The following VWC2L variants were observed in gnomAD, a reference collection of about 807,000 sequenced individuals.
The protein encoded by VWC2L is von Willebrand factor C domain-containing protein 2-like.
Under a neutral mutation model 21.6 loss-of-function variants are expected in VWC2L, and 10 were observed. The observed-to-expected ratio is 0.46, with a 90% CI of 0.29 to 0.78. VWC2L has a LOEUF of 0.78. Ranked by LOEUF, VWC2L falls within the 30% of genes least tolerant of loss-of-function variation. The probability of loss-of-function intolerance (pLI) is 0.10; values close to 1 mark genes in which losing one functional copy is unlikely to be tolerated. For synonymous variants in VWC2L, 96 were observed against 94.3 expected, an observed-to-expected ratio of 1.02 and a Z score of -0.10; for missense variants, 209 against 277.1, an observed-to-expected ratio of 0.75 and a Z score of 1.74.
intron 3 of VWC2L, among the ~76,000 whole-genome samples, chr2:214,498,679 TG>T (rs1688845059): frequency 6.7e-6 from 1 of 148,404 alleles, no homozygotes; most frequent in Non-Finnish European, 1.5e-5. Flanking sequence ...TTTTTATATA[TG>T]GGTGTATATA....
At chr2:214,511,341 C>T (rs184074550) in intron 3 of VWC2L, among the ~76,000 whole-genome samples, 2 of 152,062 alleles carry the variant, frequency 1.3e-5, no homozygotes, top group East Asian at 3.9e-4. Flanking sequence ...AAATTGTGGT[C>T]CCCCCTCAAA....
At chr2:214,448,588 T>A (rs1448833096) in intron 3 of VWC2L, among the ~76,000 whole-genome samples, 1 of 152,216 alleles carries the variant, frequency 6.6e-6, no homozygotes, top group Admixed American at 6.5e-5. Context: ...CTTGAACTTT[T>A]ACTGTTTCAT....
At chr2:214,516,722 G>A (rs2105908834) in intron 3 of VWC2L, among the ~76,000 whole-genome samples, 1 of 152,040 alleles carries the variant, frequency 6.6e-6, no homozygotes, top group South Asian at 2.1e-4. Context: ...CAACCAGAGG[G>A]TCTTCTTTAC....
intron 3 of VWC2L, chr2:214,472,295 C>A (rs762884817): frequency 6.6e-6 from 1 of 152,072 alleles, no homozygotes; most frequent in South Asian, 2.1e-4. Context: ...ATAGTGAAAG[C>A]GAGTGGCTCC....
intron 2 of VWC2L, among the ~76,000 whole-genome samples, chr2:214,428,744 T>C (rs1702559294): frequency 6.8e-6 from 1 of 146,512 alleles, no homozygotes; most frequent in Non-Finnish European, 1.5e-5. Flanking sequence ...CCTGTCAAAG[T>C]ATGACATCAG....
intron 3 of VWC2L, among the ~76,000 whole-genome samples, chr2:214,536,479 A>G (rs960833288): frequency 6.6e-6 from 1 of 152,072 alleles, no homozygotes; most frequent in Admixed American, 6.6e-5. Flanking sequence ...ACCATCGGAA[A>G]TTTGGTACTT....
intron 3 of VWC2L, among the ~76,000 whole-genome samples, chr2:214,567,933 A>T (rs1159252747): frequency 6.6e-6 from 1 of 152,224 alleles, no homozygotes; most frequent in Non-Finnish European, 1.5e-5. Flanking sequence ...CATGTTATCA[A>T]CTAAGTCTGG....
At chr2:214,570,467 G>C (rs1690133865) in intron 3 of VWC2L, among the ~76,000 whole-genome samples, 1 of 152,112 alleles carries the variant, frequency 6.6e-6, no homozygotes, top group South Asian at 2.1e-4. Context: ...GGGCTCAAGA[G>C]ATCCTTCTGC....
chr2:214,550,525 C>T (rs1211252688), intron 3 of VWC2L, among the ~76,000 whole-genome samples: 1 of 152,176 alleles, frequency 6.6e-6, no homozygotes, highest in Non-Finnish European at 1.5e-5. Flanking sequence ...GCTTCCTCTT[C>T]CTTGAACCTG....
At chr2:214,413,476 A>ATAGT (rs1353582008) in intron 1 of VWC2L, among the ~76,000 whole-genome samples, 1 of 152,110 alleles carries the variant, frequency 6.6e-6, no homozygotes, top group African/African-American at 2.4e-5. Flanking sequence ...TCACTATGGA[A>ATAGT]TAGTTATGTT....
At chr2:214,575,369 T>C (rs1049737287) in intron 3 of VWC2L, among the ~76,000 whole-genome samples, 1 of 152,132 alleles carries the variant, frequency 6.6e-6, no homozygotes, top group African/African-American at 2.4e-5. Context: ...ACAAATACAG[T>C]TTAACCCACA....
At chr2:214,524,055 C>A (rs1689286955) in intron 3 of VWC2L, among the ~76,000 whole-genome samples, 1 of 151,858 alleles carries the variant, frequency 6.6e-6, no homozygotes, top group South Asian at 2.1e-4. Context: ...ATCATTATTA[C>A]AAGAGAACAA....
intron 2 of VWC2L, among the ~76,000 whole-genome samples, chr2:214,428,693 G>A (rs1418231661): frequency 6.6e-6 from 1 of 151,536 alleles, no homozygotes; most frequent in Non-Finnish European, 1.5e-5. Context: ...CAGTGATAAA[G>A]CACTTGTTAT....
chr2:214,538,299 A>G (rs1689568453), intron 3 of VWC2L, among the ~76,000 whole-genome samples: 2 of 152,074 alleles, frequency 1.3e-5, no homozygotes, highest in Non-Finnish European at 2.9e-5. Flanking sequence ...GTACATAGAC[A>G]GTCTCCTACA....
chr2:214,429,455 C>G (rs2126175583), intron 2 of VWC2L, among the ~76,000 whole-genome samples: 1 of 152,144 alleles, frequency 6.6e-6, no homozygotes. Context: ...TATGTCTGGG[C>G]CCTCCTTTGA....
intron 3 of VWC2L, among the ~76,000 whole-genome samples, chr2:214,559,809 C>T (rs1250336240): frequency 1.3e-5 from 2 of 152,094 alleles, no homozygotes. Context: ...GTATGTTGCC[C>T]AGGCTAGTCT....
At position 214,414,517 on chromosome 2, in the gene VWC2L, G is replaced by C. The variant is rs768081233; in HGVS notation, c.324G>C (p.Glu108Asp). The C allele has an allele frequency of 6.2e-7, 1 of 1,612,502 alleles. No individual in the cohort carries two copies. Among genetic ancestry groups the C allele is most frequent in the African/African-American group, 1.3e-5 (1 of 74,814 alleles). Reference sequence around the variant, plus strand: ...TGGAACACAATGGATGCTGTCCTGAGTGCAAAGAAGTAAAAAACTTCTGTG... The same window carrying C: ...TGGAACACAATGGATGCTGTCCTGACTGCAAAGAAGTAAAAAACTTCTGTG... ...TKVEHNGCCP[E>D]CKEVKNFCEY... is the part of the protein sequence containing the mutation. Residue 108 changes from glutamate (E) to aspartate (D), a missense_variant, in exon 2 of 4, where the codon GAG becomes GAC. Physicochemically the swap from Glu to Asp is conservative, Grantham distance 45. Transcript: ENST00000312504.
At chr2:214,496,725 CTTTAA>C (rs1688818523) in intron 3 of VWC2L, among the ~76,000 whole-genome samples, 1 of 152,104 alleles carries the variant, frequency 6.6e-6, no homozygotes, top group African/African-American at 2.4e-5. Flanking sequence ...TTAAATGTTG[CTTTAA>C]TTTAAACAAA....
intron 3 of VWC2L, among the ~76,000 whole-genome samples, chr2:214,452,228 T>A (rs1000752600): frequency 6.6e-6 from 1 of 152,188 alleles, no homozygotes; most frequent in Non-Finnish European, 1.5e-5. Flanking sequence ...CAATCACAGC[T>A]CACTGCAGCC....
Sources: gnomAD v4.1 joint callset for allele counts (sites outside exome capture counted in the v4.1 genomes callset) on GRCh38, gnomAD v4.1.1 for gene constraint, MANE v1.5 for transcripts, NCBI Gene and HGNC (gene_info 2026-07-23, HGNC 2026-07-21) for gene names.